Variants in MOCOS observed in about 807,000 individuals in gnomAD.
MOCOS encodes human molybdenum cofactor sulfurase.
A neutral mutation model predicts 83.6 loss-of-function variants in MOCOS; 86 were observed. The ratio of observed to expected loss-of-function variants is 1.03; its 90% CI spans 0.86 to 1.23. MOCOS has a LOEUF of 1.23. Among genes scored for constraint, MOCOS ranks in the 50% most tolerant of loss-of-function variants. MOCOS has a pLI of 0.00. For missense variants in MOCOS, 1,120 were observed against 1,126.9 expected, an observed-to-expected ratio of 0.99 and a Z score of 0.09; for synonymous variants, 445 against 434.7, an observed-to-expected ratio of 1.02 and a Z score of -0.29.
intron 9 of MOCOS, 115 bp downstream of exon 9, chr18:36,220,332 C>G: frequency 2.3e-6 from 3 of 1,279,758 alleles, no homozygotes; most frequent in Non-Finnish European, 3.2e-6. Flanking sequence ...ACAGTGAGAC[C>G]TCATCTCTAC....
chr18:36,218,340 T>C (rs1484272685), intron 8 of MOCOS, among the ~76,000 whole-genome samples: 1 of 152,100 alleles, frequency 6.6e-6, no homozygotes, highest in Non-Finnish European at 1.5e-5. Context: ...TTATGGCTTT[T>C]TTTTTTTCTT....
intron 9 of MOCOS, among the ~76,000 whole-genome samples, chr18:36,221,614 GTT>G: frequency 1.4e-5 from 1 of 71,760 alleles, no homozygotes; most frequent in East Asian, 3.1e-4. Context: ...GTTCTGTTCT[GTT>G]CTGTTCTGTT....
At chr18:36,197,561 T>C (rs1016281080) in intron 2 of MOCOS, among the ~76,000 whole-genome samples, 3 of 151,894 alleles carry the variant, frequency 2.0e-5, no homozygotes, top group Non-Finnish European at 4.4e-5. Flanking sequence ...GCCCAGGAGT[T>C]CAAGACAACC....
chr18:36,209,999 C>T (rs115327791), intron 6 of MOCOS, among the ~76,000 whole-genome samples: 272 of 152,208 alleles, frequency 1.8e-3, no homozygotes, highest in African/African-American at 6.3e-3. Flanking sequence ...CCACTGTACC[C>T]GGCTGGATTA....
At chr18:36,250,291 A>G (rs757434633) in intron 10 of MOCOS, among the ~76,000 whole-genome samples, 21 of 152,232 alleles carry the variant, frequency 1.4e-4, no homozygotes, top group Non-Finnish European at 2.5e-4. Flanking sequence ...GTGATACTGC[A>G]TGGTATCAAA....
chr18:36,202,824 G>C (rs960764513), intron 4 of MOCOS, among the ~76,000 whole-genome samples: 1 of 152,186 alleles, frequency 6.6e-6, no homozygotes, highest in Admixed American at 6.5e-5. Context: ...AGACAGAGAA[G>C]AGCCCAGGGG....
rs117879435 is a variant in MOCOS at position 36,241,972 on chromosome 18, C to T, written c.1961-6950C>T. The stretch of plus-strand genomic sequence containing the variant: ...CAGCAGTGGGGCCCTGAGCCTGACC[C>T]GCGAAGCCATTTTTTTCCTCCTAGG... On this transcript the variant is annotated intron_variant, in intron 9 of 14. Transcript: ENST00000261326. 7.1e-3 allele frequency among the ~76,000 whole-genome samples: 1,079 copies of T among 152,326 alleles called. 8 individuals are homozygous for T. Among genetic ancestry groups the T allele is most frequent in the Non-Finnish European group, 0.012 (788 of 68,030 alleles).
At chr18:36,217,318 G>A (rs2091479362) in intron 8 of MOCOS, among the ~76,000 whole-genome samples, 1 of 152,112 alleles carries the variant, frequency 6.6e-6, no homozygotes, top group Non-Finnish European at 1.5e-5. Flanking sequence ...ACGTTTATGG[G>A]AGCTCTGTGA....
chr18:36,214,941 G>T (rs1437448824), intron 7 of MOCOS, among the ~76,000 whole-genome samples: 3 of 152,212 alleles, frequency 2.0e-5, no homozygotes, highest in Non-Finnish European at 4.4e-5. Flanking sequence ...CGGGCTCGGA[G>T]ACTGAGATTC....
intron 6 of MOCOS, among the ~76,000 whole-genome samples, chr18:36,208,636 T>C: frequency 6.6e-6 from 1 of 152,230 alleles, no homozygotes; most frequent in East Asian, 1.9e-4. Context: ...TTTCATGCAT[T>C]GATTTTGTAT....
rs772198022 is a variant in MOCOS, at chr18:36,199,661, G to C, written c.300-22G>C. The C allele has an allele frequency of 1.9e-6, 3 of 1,612,502 alleles. No homozygotes were observed. In the Admixed American group the frequency reaches 5.0e-5, roughly 27 times the overall value. On this transcript the variant is annotated intron_variant, in intron 3 of 14. Transcript: ENST00000261326. The stretch of plus-strand genomic sequence containing the variant: ...GCTGGGGCTGAGATCCGCGGGTTGC[G>C]GGGATGCTGTGCTTCTTCCAGAATC...
Position 36,256,902 on chromosome 18 carries a change from A to G in MOCOS, c.2165-66A>G, listed in dbSNP as rs796210153. 14 of 1,352,286 alleles carry G rather than the reference A, an allele frequency of 1.0e-5. No individual in the cohort carries two copies. In the African/African-American group the frequency reaches 1.7e-4, roughly 17 times the overall value. The allele number at this position is 1,352,286 out of a possible 1,614,324, so 83.8% of individuals were successfully genotyped here. ...CTACCTTTTAAAAAAATACAAGTCT[A>G]TGGAAACATGATTCACTGGCATTCT... On this transcript the variant is annotated intron_variant, in intron 11 of 14. Coordinates refer to ENST00000261326, the MANE Select transcript of MOCOS (RefSeq NM_017947.4).
chr18:36,231,991 C>A (rs139453374), intron 9 of MOCOS, among the ~76,000 whole-genome samples: 1 of 152,028 alleles, frequency 6.6e-6, no homozygotes, highest in Non-Finnish European at 1.5e-5. Flanking sequence ...TTTTGAGACA[C>A]GTTCTCACTG....
At chr18:36,253,370 TAAAAGG>T (rs1049654358) in intron 11 of MOCOS, among the ~76,000 whole-genome samples, 2 of 151,850 alleles carry the variant, frequency 1.3e-5, no homozygotes, top group African/African-American at 4.8e-5. Flanking sequence ...AGCTGCAACT[TAAAAGG>T]AGAGTAGGAG....
chr18:36,246,839 G>C lies in MOCOS; in HGVS notation c.1961-2083G>C, dbSNP rs541533845. ...CAAGAGAGCACCAGCTGCAGCAGTAGAAGGGGGATATAATTTTGCCCTGCC... is the reference window on the plus strand; with the variant it reads ...CAAGAGAGCACCAGCTGCAGCAGTACAAGGGGGATATAATTTTGCCCTGCC... On this transcript the variant is annotated intron_variant, in intron 9 of 14. Coordinates refer to ENST00000261326, the MANE Select transcript of MOCOS (RefSeq NM_017947.4). Among the ~76,000 whole-genome samples the C allele has an allele frequency of 3.9e-5, 6 of 152,332 alleles. No homozygotes were observed. In the South Asian group the frequency reaches 1.2e-3, roughly 32 times the overall value.
intron 8 of MOCOS, among the ~76,000 whole-genome samples, chr18:36,218,938 G>A (rs2091485266): frequency 6.6e-6 from 1 of 150,522 alleles, no homozygotes; most frequent in Non-Finnish European, 1.5e-5. Context: ...GCACGATCTT[G>A]GCTCACTGCA....
chr18:36,196,423 C>T (rs1460012258), intron 2 of MOCOS, among the ~76,000 whole-genome samples: 1 of 152,130 alleles, frequency 6.6e-6, no homozygotes, highest in Admixed American at 6.5e-5. Flanking sequence ...TGAGGCTGCA[C>T]AGGAAGGACT....
chr18:36,248,663 A>G (rs1367895316), intron 9 of MOCOS, among the ~76,000 whole-genome samples: 2 of 152,170 alleles, frequency 1.3e-5, no homozygotes, highest in African/African-American at 4.8e-5. Context: ...GCATATGGTT[A>G]TCTAGTTTTC....
chr18:36,249,019 T>C lies in MOCOS; in HGVS notation c.2039+19T>C, dbSNP rs2091612705. On this transcript the variant is annotated intron_variant, in intron 10 of 14. Coordinates refer to ENST00000261326, the MANE Select transcript of MOCOS (RefSeq NM_017947.4). ...CTGACAGGTGAGACTCTGAAGCACGTGAAAATCTCAGCTTTATTGACAGGC... is the reference window on the plus strand; with the variant it reads ...CTGACAGGTGAGACTCTGAAGCACGCGAAAATCTCAGCTTTATTGACAGGC... The C allele has an allele frequency of 6.2e-7, 1 of 1,607,648 alleles. No individual in the cohort carries two copies. Among genetic ancestry groups the C allele is most frequent in the East Asian group, 2.2e-5 (1 of 44,854 alleles).
Sources: allele counts gnomAD v4.1 joint callset (sites outside exome capture counted in the v4.1 genomes callset), GRCh38; gene constraint gnomAD v4.1.1; transcripts MANE v1.5; gene names NCBI Gene and HGNC (gene_info 2026-07-23, HGNC 2026-07-21).